CCR3: variants seen among roughly 807,000 people sequenced by gnomAD.
CCR3 encodes C-C motif chemokine receptor 3, also known as C-C chemokine receptor type 3.
For missense variants in CCR3, 419 were observed against 437.5 expected, an observed-to-expected ratio of 0.96 and a Z score of 0.38; for synonymous variants, 203 against 179.2, an observed-to-expected ratio of 1.13 and a Z score of -1.06.
chr3:46,224,843 T>C (rs529753040), intron 2 of CCR3, among the ~76,000 whole-genome samples: 3 of 152,054 alleles, frequency 2.0e-5, no homozygotes, highest in Admixed American at 2.0e-4. Context: ...CACACCATGC[T>C]GGTGCAAGTA....
chr3:46,237,878 C>T (rs926061596), upstream of CCR3, among the ~76,000 whole-genome samples: 1 of 152,310 alleles, frequency 6.6e-6, no homozygotes, highest in East Asian at 1.9e-4. Context: ...GTAACCAGAA[C>T]ACTGTTTTTC....
intron 2 of CCR3, among the ~76,000 whole-genome samples, chr3:46,219,737 G>T (rs1478130088): frequency 6.6e-6 from 1 of 152,102 alleles, no homozygotes; most frequent in Admixed American, 6.5e-5. Flanking sequence ...CATAAAGTGG[G>T]GAAAGGACAC....
chr3:46,234,595 C>T (rs887873445), intron 2 of CCR3, among the ~76,000 whole-genome samples: 1 of 151,826 alleles, frequency 6.6e-6, no homozygotes, highest in African/African-American at 2.4e-5. Flanking sequence ...AATTGATGAG[C>T]ACTCATTGCC....
intron 1 of CCR3, among the ~76,000 whole-genome samples, chr3:46,245,565 T>TA (rs778943667): frequency 6.6e-6 from 1 of 152,078 alleles, no homozygotes. Context: ...TCCTTTTTTT[T>TA]AACTTTTATT....
At chr3:46,252,105 G>A (rs929676537) in intron 1 of CCR3, among the ~76,000 whole-genome samples, 11 of 148,494 alleles carry the variant, frequency 7.4e-5, no homozygotes, top group Non-Finnish European at 1.5e-4. Flanking sequence ...AAAATGAAAA[G>A]TTCAGTTTCT....
intron 2 of CCR3, among the ~76,000 whole-genome samples, chr3:46,224,354 T>C (rs1169875459): frequency 6.6e-6 from 1 of 152,068 alleles, no homozygotes; most frequent in Non-Finnish European, 1.5e-5. Context: ...CCCAGCACTT[T>C]GGGAGGCTGA....
At chr3:46,255,024 A>C (rs560134836) in intron 1 of CCR3, among the ~76,000 whole-genome samples, 1 of 151,646 alleles carries the variant, frequency 6.6e-6, no homozygotes, top group Admixed American at 6.6e-5. Context: ...CATCAACAGC[A>C]TAAAGTGTTC....
chr3:46,264,163 G>A, intron 1 of CCR3: 1 of 476,522 alleles, frequency 2.1e-6, no homozygotes, highest in Non-Finnish European at 3.7e-6. Flanking sequence ...GAAATATCAA[G>A]TCCAGTGAGA....
chr3:46,252,629 T>A (rs41334652), intron 1 of CCR3, among the ~76,000 whole-genome samples: 65,373 of 151,932 alleles, frequency 0.43, 15,104 homozygotes, highest in East Asian at 0.64. Flanking sequence ...TGGGAGGGGA[T>A]CAGCTTAATT....
At chr3:46,252,152 A>G (rs1055964228) in intron 1 of CCR3, among the ~76,000 whole-genome samples, 2 of 148,346 alleles carry the variant, frequency 1.3e-5, no homozygotes, top group Admixed American at 6.7e-5. Flanking sequence ...CTCAATAGCC[A>G]TGAGGCTAGT....
exon 2 of CCR3, chr3:46,210,898 T>C (rs1297463971): frequency 6.6e-6 from 1 of 152,170 alleles, no homozygotes; most frequent in African/African-American, 2.4e-5. Context: ...GATCCCAGAA[T>C]TGGAAGAAGG....
chr3:46,222,732 T>C (rs1376442519), intron 2 of CCR3, among the ~76,000 whole-genome samples: 1 of 152,186 alleles, frequency 6.6e-6, no homozygotes, highest in Non-Finnish European at 1.5e-5. Flanking sequence ...TATTTACCGC[T>C]TGTCAGAACC....
intron 1 of CCR3, among the ~76,000 whole-genome samples, chr3:46,262,458 T>A (rs1262851571): frequency 6.6e-6 from 1 of 152,176 alleles, no homozygotes; most frequent in Non-Finnish European, 1.5e-5. Context: ...TGATTTTTAC[T>A]TTCGTTTTTG....
chr3:46,223,615 G>A (rs1699861046), intron 2 of CCR3, among the ~76,000 whole-genome samples: 1 of 152,056 alleles, frequency 6.6e-6, no homozygotes, highest in South Asian at 2.1e-4. Flanking sequence ...CATGCATGCA[G>A]GTGTGTGTGT....
At chr3:46,257,259 CGTT>C (rs1246224864) in intron 1 of CCR3, among the ~76,000 whole-genome samples, 1 of 152,056 alleles carries the variant, frequency 6.6e-6, no homozygotes, top group Non-Finnish European at 1.5e-5. Flanking sequence ...TTTGGAGAGT[CGTT>C]GTTGTCTACA....
Position 46,265,668 on chromosome 3 carries a change from C to A in CCR3, c.510C>A (p.Ile170=), listed in dbSNP as rs1013134050. The A allele has an allele frequency of 1.1e-5, 17 of 1,614,124 alleles. No homozygotes were observed. The highest frequency in any genetic ancestry group is 1.3e-5 in the Non-Finnish European group (15 of 1,180,008). ...LAVLAALPEF[I]FYETEELFEE... ...TGCTAGCAGCTCTTCCTGAATTTAT[C>A]TTCTATGAGACTGAAGAGTTGTTTG... The change falls in exon 2 of 2, where the codon ATC becomes ATA. Residue 170 remains isoleucine (I), a synonymous_variant. Coordinates refer to ENST00000395940, the MANE Select transcript of CCR3 (RefSeq NM_178329.3).
intron 1 of CCR3, among the ~76,000 whole-genome samples, chr3:46,262,507 C>A (rs1301214245): frequency 1.3e-5 from 2 of 152,118 alleles, no homozygotes; most frequent in African/African-American, 2.4e-5. Flanking sequence ...TTTACGATTA[C>A]CCTATCGTTT....
intron 2 of CCR3, among the ~76,000 whole-genome samples, chr3:46,222,297 A>C (rs1699846697): frequency 6.6e-6 from 1 of 152,188 alleles, no homozygotes; most frequent in East Asian, 1.9e-4. Flanking sequence ...GGGATAGATG[A>C]ACTTCTAGCT....
intron 1 of CCR3, among the ~76,000 whole-genome samples, chr3:46,260,054 A>G (rs1279277718): frequency 6.6e-6 from 1 of 152,206 alleles, no homozygotes; most frequent in Non-Finnish European, 1.5e-5. Context: ...CAAGAGAAGA[A>G]GAGCTTGTGC....
Sources: gnomAD v4.1 joint callset for allele counts (sites outside exome capture counted in the v4.1 genomes callset) on GRCh38, gnomAD v4.1.1 for gene constraint, MANE v1.5 for transcripts, NCBI Gene and HGNC (gene_info 2026-07-23, HGNC 2026-07-21) for gene names.